Variants in F13A1 observed in about 807,000 individuals in gnomAD.
F13A1 encodes the protein coagulation factor XIII A chain, also known as FSF, A subunit.
Under a neutral mutation model 80.1 loss-of-function variants are expected in F13A1, and 47 were observed. The observed-to-expected ratio is 0.59, with a 90% CI of 0.46 to 0.75. The LOEUF (loss-of-function observed/expected upper bound fraction) is 0.75. Ranked by LOEUF, F13A1 falls within the 30% of genes least tolerant of loss-of-function variation. The pLI is 0.00. For missense variants in F13A1, 817 were observed against 930.4 expected, an observed-to-expected ratio of 0.88 and a Z score of 1.59; for synonymous variants, 349 against 344.9, an observed-to-expected ratio of 1.01 and a Z score of -0.13.
rs2815822 is a variant in F13A1 at position 6,320,575 on chromosome 6, T to C, written c.-19+12A>G. Reference sequence around the variant, plus strand: ...GGGCCCTGGCTCATAGGGTGCAGGGTCGGTGGCTTACCTGCAGGCGCTCCC... The same window carrying C: ...GGGCCCTGGCTCATAGGGTGCAGGGCCGGTGGCTTACCTGCAGGCGCTCCC... On this transcript the variant is annotated intron_variant, in intron 1 of 14. Transcript: ENST00000264870. The C allele has an allele frequency of 2.1e-6, 1 of 466,316 alleles. No homozygotes were observed. The highest frequency in any genetic ancestry group is 4.5e-6 in the Non-Finnish European group (1 of 224,500). 28.9% of individuals were successfully genotyped at this position (466,316 alleles called of 1,614,324 possible).
chr6:6,289,700 T>C (rs1210950340), intron 3 of F13A1, among the ~76,000 whole-genome samples: 1 of 152,184 alleles, frequency 6.6e-6, no homozygotes, highest in Non-Finnish European at 1.5e-5. Context: ...ATACTCTACC[T>C]AAAATGCTAC....
intron 11 of F13A1, among the ~76,000 whole-genome samples, chr6:6,177,977 G>A (rs1478313525): frequency 7.0e-6 from 1 of 142,548 alleles, no homozygotes; most frequent in Non-Finnish European, 1.5e-5. Context: ...CAGTGACCAG[G>A]TGCCGAAAAG....
intron 6 of F13A1, among the ~76,000 whole-genome samples, chr6:6,238,615 A>C (rs1757444256): frequency 6.6e-6 from 1 of 151,992 alleles, no homozygotes; most frequent in Non-Finnish European, 1.5e-5. Flanking sequence ...TGTTCTATAC[A>C]TATCTGACAA....
intron 3 of F13A1, among the ~76,000 whole-genome samples, chr6:6,268,003 A>G (rs1757869040): frequency 1.3e-5 from 2 of 152,244 alleles, no homozygotes; most frequent in Admixed American, 1.3e-4. Context: ...GACTTCAAAG[A>G]CTCATATTGA....
In F13A1 at chr6:6,152,002, CTTG is replaced by C. The variant is rs545647569; in HGVS notation, c.1909-56_1909-54del. 1.9e-3 allele frequency: 2,979 copies of C among 1,606,034 alleles called. 9 individuals carry two copies. The highest frequency in any genetic ancestry group is 4.5e-3 in the Middle Eastern group (27 of 6,048). On this transcript the variant is annotated intron_variant, in intron 13 of 14. Coordinates refer to ENST00000264870, the MANE Select transcript of F13A1 (RefSeq NM_000129.4). ...ACCAAATAAAACCTCGTTCTGCTCT[CTTG>C]TTGTCTTAACCATCATCACTTTTAC...
chr6:6,300,693 C>G (rs1214422591), intron 3 of F13A1, among the ~76,000 whole-genome samples: 1 of 152,142 alleles, frequency 6.6e-6, no homozygotes, highest in Admixed American at 6.5e-5. Flanking sequence ...ATGCAGAAAT[C>G]ACTGTCTTCT....
At chr6:6,158,944 C>T (rs1201006689) in intron 13 of F13A1, among the ~76,000 whole-genome samples, 2 of 147,198 alleles carry the variant, frequency 1.4e-5, no homozygotes, top group Non-Finnish European at 3.0e-5. Context: ...CTCTGTTGCC[C>T]AGGCTGGAGT....
chr6:6,253,494 A>G (rs964135580), intron 4 of F13A1, among the ~76,000 whole-genome samples: 103 of 152,274 alleles, frequency 6.8e-4, no homozygotes, highest in Middle Eastern at 3.4e-3. Flanking sequence ...CTGGTCAAAG[A>G]AGGATGAGAG....
At chr6:6,291,200 T>C (rs1758220221) in intron 3 of F13A1, among the ~76,000 whole-genome samples, 1 of 152,110 alleles carries the variant, frequency 6.6e-6, no homozygotes, top group Non-Finnish European at 1.5e-5. Context: ...CACCTCTTTC[T>C]CGACAACCTT....
intron 4 of F13A1, among the ~76,000 whole-genome samples, chr6:6,255,291 G>A (rs937454735): frequency 6.6e-6 from 1 of 152,078 alleles, no homozygotes; most frequent in Non-Finnish European, 1.5e-5. Context: ...CTTTCTAAGT[G>A]CTTTATAACA....
rs1436991650 is a variant in F13A1, at chr6:6,213,154, G to A, written c.1112+8879C>T. Among the ~76,000 whole-genome samples the A allele has an allele frequency of 8.2e-4, 124 of 150,772 alleles. No individual in the cohort carries two copies. The South Asian group carries it at 0.02, about 24-fold the overall frequency. ...CCCCAATCTAGCAAGGCAGGCCAAC[G>A]TTCAGATTCAGGAAATACAGAGAAC... On this transcript the variant is annotated intron_variant, in intron 8 of 14. Transcript: ENST00000264870.
chr6:6,261,318 G>C (rs1357059803), intron 4 of F13A1, among the ~76,000 whole-genome samples: 1 of 152,140 alleles, frequency 6.6e-6, no homozygotes, highest in East Asian at 1.9e-4. Context: ...TCTTCTTAGA[G>C]ACAGGCTGGC....
intron 3 of F13A1, among the ~76,000 whole-genome samples, chr6:6,304,864 A>T (rs2113182939): frequency 6.8e-6 from 1 of 147,046 alleles, no homozygotes; most frequent in Admixed American, 6.7e-5. Context: ...CTGTCTCAAA[A>T]AAAAAAAAAA....
intron 2 of F13A1, among the ~76,000 whole-genome samples, chr6:6,316,203 G>A (rs558973425): frequency 7.4e-5 from 10 of 135,958 alleles, no homozygotes; most frequent in South Asian, 4.9e-4. Flanking sequence ...TTCAGAAACC[G>A]TATCCCCAGA....
Position 6,250,757 on chromosome 6 carries a change from C to CA in F13A1, c.690+53dup, listed in dbSNP as rs1561668152. 1.6e-6 allele frequency: 2 copies of CA among 1,231,122 alleles called. No homozygotes were observed. The highest frequency in any genetic ancestry group is 4.6e-5 in the East Asian group (2 of 43,026). 76.3% of individuals were successfully genotyped at this position (1,231,122 alleles called of 1,614,324 possible). On this transcript the variant is annotated intron_variant, in intron 5 of 14. Transcript: ENST00000264870. This position sits in a 1 kb window ranked among gnomAD's most constrained non-coding sequence, Gnocchi z 4.2. ...TGGGATCCTGTAGGGATACATGTGA[C>CA]AAAAAATATGAAGTAAAAATGTCCT...
At chr6:6,258,036 T>C (rs1561670644) in intron 4 of F13A1, among the ~76,000 whole-genome samples, 1 of 152,186 alleles carries the variant, frequency 6.6e-6, no homozygotes, top group Admixed American at 6.5e-5. Flanking sequence ...TATTTATTTA[T>C]TATGGCAGAA....
chr6:6,145,762 G>A lies in F13A1; in HGVS notation c.2056C>T (p.Pro686Ser), dbSNP rs1360084850. 6.2e-7 allele frequency: 1 copy of A among 1,614,084 alleles called. No homozygotes were observed. The highest frequency in any genetic ancestry group is 8.5e-7 in the Non-Finnish European group (1 of 1,179,976). The stretch of plus-strand genomic sequence containing the variant: ...TCTTCCCACTGCACGGTGGAGTTGG[G>A]CCGGATTTCACTGAAAGGATGGAAA... ...PMKKMFREIRPNSTVQWEEVC... is the reference protein window; with the variant it reads ...PMKKMFREIRSNSTVQWEEVC... Residue 686 changes from proline to serine, a missense_variant, in exon 15 of 15, where the codon CCC becomes TCC. Transcript: ENST00000264870.
At chr6:6,163,381 T>C (rs1760606402) in intron 13 of F13A1, among the ~76,000 whole-genome samples, 1 of 152,190 alleles carries the variant, frequency 6.6e-6, no homozygotes, top group African/African-American at 2.4e-5. Flanking sequence ...GCAGGTTTGT[T>C]ATATAGGTAA....
intron 3 of F13A1, among the ~76,000 whole-genome samples, chr6:6,281,349 G>A (rs1291396036): frequency 6.6e-6 from 1 of 152,110 alleles, no homozygotes; most frequent in Non-Finnish European, 1.5e-5. Context: ...CAGTCTCAAT[G>A]TAATTTCTTC....
Sources: gnomAD v4.1 joint callset for allele counts (sites outside exome capture counted in the v4.1 genomes callset) on GRCh38, gnomAD v4.1.1 for gene constraint, Gnocchi (gnomAD v3.1) non-coding constraint, MANE v1.5 for transcripts, NCBI Gene and HGNC (gene_info 2026-07-23, HGNC 2026-07-21) for gene names.